Variants in RTL4 observed in about 807,000 individuals in gnomAD.
RTL4 encodes the protein retrotransposon Gag like 4.
A neutral mutation model predicts 5.3 loss-of-function variants in RTL4; 4 were observed. The observed-to-expected ratio is 0.75, with a 90% CI of 0.37 to 1.72. RTL4 has a LOEUF of 1.72. Among genes scored for constraint, RTL4 ranks in the 40% most tolerant of loss-of-function variants. RTL4 has a pLI of 0.04. For missense variants in RTL4, 260 were observed against 227.1 expected, an observed-to-expected ratio of 1.14 and a Z score of -0.93; for synonymous variants, 98 against 87.3, an observed-to-expected ratio of 1.12 and a Z score of -0.68.
the RTL4 span, among the ~76,000 whole-genome samples, chrX:112,424,545 C>A: frequency 9.0e-6 from 1 of 111,238 alleles, no homozygotes; most frequent in African/African-American, 3.3e-5. Flanking sequence ...GTGCACAGTT[C>A]TGCTAAGGTT....
At chrX:112,124,963 C>T in the RTL4 span, among the ~76,000 whole-genome samples, 2 of 110,786 alleles carry the variant, frequency 1.8e-5, no homozygotes, top group Non-Finnish European at 3.8e-5. Context: ...TGCAGTGGTG[C>T]GATCTCAGCT....
At chrX:112,234,684 C>T in the RTL4 span, among the ~76,000 whole-genome samples, 6 of 111,848 alleles carry the variant, frequency 5.4e-5, no homozygotes, top group African/African-American at 1.6e-4. Context: ...AAATGAGTAG[C>T]GGTAGAGAAG....
the RTL4 span, among the ~76,000 whole-genome samples, chrX:112,267,985 A>G: frequency 9.0e-6 from 1 of 111,073 alleles, no homozygotes; most frequent in Admixed American, 9.6e-5. Flanking sequence ...CCTACATTCT[A>G]TTCTCCACAC....
chrX:112,260,666 C>G, the RTL4 span, among the ~76,000 whole-genome samples: 4 of 111,916 alleles, frequency 3.6e-5, no homozygotes, highest in African/African-American at 1.3e-4. Flanking sequence ...ATGCAAATGA[C>G]TATCTGCAAG....
the RTL4 span, among the ~76,000 whole-genome samples, chrX:112,099,760 G>A: frequency 3.6e-5 from 4 of 111,432 alleles, no homozygotes; most frequent in Non-Finnish European, 7.5e-5. Flanking sequence ...AATGGGATTG[G>A]TATAGTTTTA....
chrX:112,257,290 A>G, the RTL4 span, among the ~76,000 whole-genome samples: 5 of 111,617 alleles, frequency 4.5e-5, no homozygotes, highest in South Asian at 1.9e-3. Context: ...ATGCTAAACC[A>G]TCCTTGCAGT....
At chrX:112,200,650 A>G in the RTL4 span, among the ~76,000 whole-genome samples, 1 of 112,267 alleles carries the variant, frequency 8.9e-6, no homozygotes, top group Admixed American at 9.4e-5. Flanking sequence ...AGGGCATCCT[A>G]ACCTGAATGG....
the RTL4 span, among the ~76,000 whole-genome samples, chrX:112,333,083 GGTGTGT>G: frequency 9.6e-6 from 1 of 104,494 alleles, no homozygotes; most frequent in Non-Finnish European, 2.0e-5. Context: ...CTCCTTCAAT[GGTGTGT>G]GTGTGTGTGT....
At chrX:112,273,847 T>C in the RTL4 span, among the ~76,000 whole-genome samples, 1 of 111,845 alleles carries the variant, frequency 8.9e-6, no homozygotes, top group South Asian at 3.8e-4. Flanking sequence ...TGTCACAGAA[T>C]TGTTATGAGG....
At chrX:112,308,604 C>G in the RTL4 span, among the ~76,000 whole-genome samples, 1 of 111,696 alleles carries the variant, frequency 9.0e-6, no homozygotes, top group African/African-American at 3.3e-5. Context: ...ACATATCTTT[C>G]TGGTCAGATT....
chrX:112,358,403 TA>T, the RTL4 span, among the ~76,000 whole-genome samples: 1 of 111,447 alleles, frequency 9.0e-6, no homozygotes, highest in Non-Finnish European at 1.9e-5. Context: ...TGGTCACACT[TA>T]AGTGACAAAT....
the RTL4 span, among the ~76,000 whole-genome samples, chrX:112,370,974 T>G: frequency 9.1e-6 from 1 of 109,776 alleles, no homozygotes; most frequent in East Asian, 2.9e-4. Context: ...CCCTTGAAAC[T>G]GTTGAGGTAT....
chrX:112,452,510 G>T (rs1156244120), upstream of RTL4, among the ~76,000 whole-genome samples: 8 of 110,067 alleles, frequency 7.3e-5, no homozygotes, highest in Non-Finnish European at 1.3e-4. Context: ...AGTGGTAGAT[G>T]TCTGGAAGAC....
the RTL4 span, among the ~76,000 whole-genome samples, chrX:112,232,674 T>A: frequency 3.6e-5 from 4 of 112,338 alleles, no homozygotes; most frequent in Admixed American, 3.8e-4. Flanking sequence ...TTTAGTTTTT[T>A]AACTTTCCCA....
chrX:112,185,376 A>AT, the RTL4 span, among the ~76,000 whole-genome samples: 33 of 85,314 alleles, frequency 3.9e-4, 1 homozygote, highest in African/African-American at 1.4e-3. Flanking sequence ...CTATTTTATT[A>AT]ATATATATAT....
the RTL4 span, among the ~76,000 whole-genome samples, chrX:112,280,790 C>T: frequency 4.5e-5 from 5 of 111,471 alleles, no homozygotes; most frequent in East Asian, 2.8e-4. Flanking sequence ...CCACCAAACC[C>T]GGCCCTAAAA....
At chrX:112,348,935 T>A in the RTL4 span, among the ~76,000 whole-genome samples, 1 of 110,547 alleles carries the variant, frequency 9.0e-6, no homozygotes, top group Non-Finnish European at 1.9e-5. Context: ...TGCCAGACAC[T>A]TTTATAAGAA....
At chrX:112,360,939 T>C in the RTL4 span, among the ~76,000 whole-genome samples, 1 of 110,928 alleles carries the variant, frequency 9.0e-6, no homozygotes, top group Non-Finnish European at 1.9e-5. Flanking sequence ...ACTCTTTGTG[T>C]TACAGAAGAG....
chrX:112,373,072 A>G, the RTL4 span, among the ~76,000 whole-genome samples: 2 of 111,534 alleles, frequency 1.8e-5, no homozygotes, highest in Non-Finnish European at 3.8e-5. Context: ...GTCTTTCTGT[A>G]TCCTAAGCAT....
Sources: allele counts gnomAD v4.1 joint callset (sites outside exome capture counted in the v4.1 genomes callset), GRCh38; gene constraint gnomAD v4.1.1; transcripts MANE v1.5; gene names NCBI Gene and HGNC (gene_info 2026-07-23, HGNC 2026-07-21).